The following BBOX1 variants were observed in gnomAD, a reference collection of about 807,000 sequenced individuals.
BBOX1 encodes gamma-butyrobetaine hydroxylase 1.
BBOX1 carries 35 observed loss-of-function variants against 41.6 expected under a neutral mutation model. The observed-to-expected ratio is 0.84, with a 90% confidence interval of 0.64 to 1.11. The LOEUF is 1.11. BBOX1 is among the 50% of genes most tolerant of loss of function. The pLI is 0.00. For synonymous variants in BBOX1, 163 were observed against 154.7 expected, an observed-to-expected ratio of 1.05 and a Z score of -0.40; for missense variants, 458 against 460.6, an observed-to-expected ratio of 0.99 and a Z score of 0.05.
chr11:27,124,867 G>T (rs1279200934), intron 7 of BBOX1, among the ~76,000 whole-genome samples: 1 of 152,066 alleles, frequency 6.6e-6, no homozygotes, highest in African/African-American at 2.4e-5. Flanking sequence ...CATTGGCATG[G>T]TCATAATCCA....
intron 4 of BBOX1, among the ~76,000 whole-genome samples, chr11:27,092,836 A>G (rs1208091490): frequency 6.6e-6 from 1 of 151,944 alleles, no homozygotes; most frequent in African/African-American, 2.4e-5. Flanking sequence ...AGTATCTCAG[A>G]GTTATTTCTA....
chr11:27,099,601 C>A (rs1027825714), intron 5 of BBOX1, among the ~76,000 whole-genome samples: 1 of 151,968 alleles, frequency 6.6e-6, no homozygotes, highest in African/African-American at 2.4e-5. Flanking sequence ...ATTGGGGACC[C>A]AGTGCCCCCC....
intron 4 of BBOX1, among the ~76,000 whole-genome samples, chr11:27,083,081 G>A (rs2134019675): frequency 6.6e-6 from 1 of 152,180 alleles, no homozygotes; most frequent in Middle Eastern, 3.4e-3. Context: ...AATACTTTCA[G>A]AGTTTTATGG....
At chr11:27,072,045 C>G (rs1246183077) in intron 4 of BBOX1, among the ~76,000 whole-genome samples, 1 of 152,186 alleles carries the variant, frequency 6.6e-6, no homozygotes, top group Non-Finnish European at 1.5e-5. Flanking sequence ...TACTCCTATT[C>G]AACATAGTGT....
In BBOX1 at chr11:27,127,475, A is replaced by G. The variant is rs372385181; in HGVS notation, c.*22A>G. 19 of 1,585,520 alleles carry G rather than the reference A, an allele frequency of 1.2e-5. No homozygotes were observed. In the African/African-American group the frequency reaches 2.1e-4, roughly 17 times the overall value. The stretch of plus-strand genomic sequence containing the variant: ...CTGAAGTCACCTGTAGATAATTTTA[A>G]TAAGATTCCAATGACCATATTTTGT... On this transcript the variant is annotated 3_prime_UTR_variant, in exon 9 of 9. Transcript: ENST00000263182.
chr11:27,117,692 G>T (rs1859316766), intron 6 of BBOX1, among the ~76,000 whole-genome samples: 1 of 151,976 alleles, frequency 6.6e-6, no homozygotes, highest in African/African-American at 2.4e-5. Flanking sequence ...AAAATTTGAA[G>T]CCTAAGGAAA....
intron 2 of BBOX1, among the ~76,000 whole-genome samples, chr11:27,044,351 G>T (rs1851432936): frequency 6.6e-6 from 1 of 152,032 alleles, no homozygotes; most frequent in Non-Finnish European, 1.5e-5. Flanking sequence ...TTTGTCAGAT[G>T]GATAGATTGC....
chr11:27,053,103 T>G (rs1486519505), intron 2 of BBOX1, among the ~76,000 whole-genome samples: 1 of 152,046 alleles, frequency 6.6e-6, no homozygotes, highest in Non-Finnish European at 1.5e-5. Context: ...GAAACCGATA[T>G]GCATTCAGCA....
At chr11:27,050,422 A>C (rs1165411083) in intron 2 of BBOX1, among the ~76,000 whole-genome samples, 1 of 152,114 alleles carries the variant, frequency 6.6e-6, no homozygotes, top group Non-Finnish European at 1.5e-5. Flanking sequence ...ATTGCACTGA[A>C]TCTGTAGATG....
chr11:27,110,246 C>G lies in BBOX1; in HGVS notation c.534-5206C>G, dbSNP rs761375539. On this transcript the variant is annotated intron_variant, in intron 5 of 8. Coordinates refer to ENST00000263182, the MANE Select transcript of BBOX1 (RefSeq NM_003986.3). Reference sequence around the variant, plus strand: ...TACCATCATCTCTCCCTCCTCCTACCTTTTTCCCAGTACCATCTACCCCTT... The same window carrying G: ...TACCATCATCTCTCCCTCCTCCTACGTTTTTCCCAGTACCATCTACCCCTT... Among the ~76,000 whole-genome samples, 12 of 151,930 alleles carry G rather than the reference C, an allele frequency of 7.9e-5. No homozygotes were observed. In the East Asian group the frequency reaches 2.3e-3, roughly 29 times the overall value.
chr11:27,108,499 A>G (rs909704863), intron 5 of BBOX1, among the ~76,000 whole-genome samples: 4 of 152,124 alleles, frequency 2.6e-5, no homozygotes, highest in Admixed American at 2.6e-4. Flanking sequence ...TTATTTTTCA[A>G]ATGCCAGTGT....
At chr11:27,095,206 A>C (rs538115713) in intron 5 of BBOX1, among the ~76,000 whole-genome samples, 2 of 151,990 alleles carry the variant, frequency 1.3e-5, no homozygotes, top group Non-Finnish European at 2.9e-5. Context: ...ATCTCTTCTA[A>C]GTCGTTTTAC....
At chr11:27,077,097 G>A (rs1331097183) in intron 4 of BBOX1, among the ~76,000 whole-genome samples, 1 of 152,072 alleles carries the variant, frequency 6.6e-6, no homozygotes, top group Non-Finnish European at 1.5e-5. Context: ...TCTGGCCAAG[G>A]GTGTTTGTCT....
intron 5 of BBOX1, among the ~76,000 whole-genome samples, chr11:27,095,293 T>G (rs1126029): frequency 0.16 from 23,710 of 151,956 alleles, 2,144 homozygotes; most frequent in Middle Eastern, 0.24. Flanking sequence ...GTGGCCAAAT[T>G]TGGGGATCTT....
intron 2 of BBOX1, among the ~76,000 whole-genome samples, chr11:27,054,702 G>T (rs1392745914): frequency 6.6e-6 from 1 of 152,050 alleles, no homozygotes; most frequent in Admixed American, 6.5e-5. Context: ...GAAGTAACAA[G>T]GCACACTCTA....
intron 5 of BBOX1, among the ~76,000 whole-genome samples, chr11:27,105,076 CA>C (rs1467385835): frequency 1.6e-4 from 25 of 152,146 alleles, no homozygotes; most frequent in African/African-American, 5.3e-4. Flanking sequence ...ACATCCACAC[CA>C]AAACCCCATC....
intron 4 of BBOX1, among the ~76,000 whole-genome samples, chr11:27,085,730 C>A (rs1596256): frequency 6.6e-6 from 1 of 151,982 alleles, no homozygotes; most frequent in Non-Finnish European, 1.5e-5. Context: ...GAAATTATTA[C>A]GTTTAGTGAG....
chr11:27,050,745 T>C (rs1851647739), intron 2 of BBOX1, among the ~76,000 whole-genome samples: 1 of 152,140 alleles, frequency 6.6e-6, no homozygotes, highest in Admixed American at 6.5e-5. Flanking sequence ...CTGCAGTCTT[T>C]AGGGTTTTCT....
chr11:27,117,190 G>A (rs1418427245), intron 6 of BBOX1, among the ~76,000 whole-genome samples: 1 of 151,792 alleles, frequency 6.6e-6, no homozygotes, highest in Non-Finnish European at 1.5e-5. Context: ...ATCTTCAAAG[G>A]CAAATGAAAA....
Sources: allele counts gnomAD v4.1 joint callset (sites outside exome capture counted in the v4.1 genomes callset), GRCh38; gene constraint gnomAD v4.1.1; transcripts MANE v1.5; gene names NCBI Gene and HGNC (gene_info 2026-07-23, HGNC 2026-07-21).